The following RARRES1 variants were observed in gnomAD, a reference collection of about 807,000 sequenced individuals.
RARRES1 encodes the protein retinoic acid receptor responder 1.
A neutral mutation model predicts 30.6 loss-of-function variants in RARRES1; 34 were observed. The ratio of observed to expected loss-of-function variants is 1.11; its 90% confidence interval spans 0.84 to 1.48. The LOEUF is 1.48. RARRES1 is among the 40% of genes most tolerant of loss of function. The pLI, the probability that RARRES1 is intolerant of heterozygous loss-of-function variation, is 0.00. For missense variants in RARRES1, 373 were observed against 386.5 expected (o/e 0.97, Z 0.29); for synonymous variants, 153 against 155.5 (o/e 0.98, Z 0.12).
intron 4 of RARRES1, 39 bp downstream of exon 4, chr3:158,704,752 A>G (rs973191502): frequency 1.9e-6 from 3 of 1,600,920 alleles, no homozygotes; most frequent in African/African-American, 2.7e-5. Flanking sequence ...CTTTGATTGT[A>G]ACTCTTGTGG....
At chr3:158,712,197 T>A (rs1727157916) in intron 2 of RARRES1, among the ~76,000 whole-genome samples, 1 of 152,186 alleles carries the variant, frequency 6.6e-6, no homozygotes, top group African/African-American at 2.4e-5. Flanking sequence ...GGTGATAATC[T>A]TCTTTTTACT....
At chr3:158,728,516 C>CTTTTTTT (rs755791546) in intron 1 of RARRES1, among the ~76,000 whole-genome samples, 94 of 133,844 alleles carry the variant, frequency 7.0e-4, no homozygotes, top group African/African-American at 1.4e-3. Flanking sequence ...CTTTTTCTTT[C>CTTTTTTT]TTTTTTTTTT....
intron 1 of RARRES1, among the ~76,000 whole-genome samples, chr3:158,727,808 A>G (rs963407733): frequency 6.6e-6 from 1 of 152,204 alleles, no homozygotes; most frequent in Non-Finnish European, 1.5e-5. Flanking sequence ...GTGAGGGAAC[A>G]CAAATCGTGG....
intron 1 of RARRES1, among the ~76,000 whole-genome samples, chr3:158,717,173 G>A (rs1487373782): frequency 2.0e-5 from 3 of 152,116 alleles, no homozygotes; most frequent in Non-Finnish European, 2.9e-5. Context: ...GGCTGTCCTT[G>A]ATTTAAAATG....
Position 158,732,136 on chromosome 3 carries a change from T to C in RARRES1, c.276+4A>G. The C allele has an allele frequency of 7.3e-7, 1 of 1,361,412 alleles. No individual in the cohort carries two copies. Among genetic ancestry groups the C allele is most frequent in the Non-Finnish European group, 9.4e-7 (1 of 1,065,520 alleles). 84.3% of individuals were successfully genotyped at this position (1,361,412 alleles called of 1,614,324 possible). A position where few individuals can be genotyped will look rare whatever the true frequency, so the allele number is the denominator to read the frequency against. ...CGTGCCCCGGCGCGTCGCTCCGCAC[T>C]CACCCACGCGCGGCCCTCCTGCACC... is the stretch of plus-strand genomic sequence containing the variant. On this transcript the variant is annotated splice_donor_region_variant and intron_variant, in intron 1 of 5. Coordinates refer to ENST00000237696, the MANE Select transcript of RARRES1 (RefSeq NM_206963.2).
chr3:158,721,517 G>A (rs564320587), intron 1 of RARRES1, among the ~76,000 whole-genome samples: 1 of 152,310 alleles, frequency 6.6e-6, no homozygotes, highest in East Asian at 1.9e-4. Flanking sequence ...AGGGTTGCAG[G>A]TAGGAAGTGA....
At chr3:158,728,774 T>C (rs1037837076) in intron 1 of RARRES1, among the ~76,000 whole-genome samples, 2 of 152,098 alleles carry the variant, frequency 1.3e-5, no homozygotes, top group African/African-American at 4.8e-5. Context: ...TCTGCTTGCC[T>C]CAACCTCCCA....
chr3:158,715,151 G>A (rs1456122142), intron 1 of RARRES1, among the ~76,000 whole-genome samples: 1 of 152,148 alleles, frequency 6.6e-6, no homozygotes, highest in Non-Finnish European at 1.5e-5. Context: ...TTTACACAAC[G>A]CACACACACA....
chr3:158,722,055 G>A (rs1439445010), intron 1 of RARRES1, among the ~76,000 whole-genome samples: 9 of 124,694 alleles, frequency 7.2e-5, no homozygotes, highest in Non-Finnish European at 1.1e-4. Flanking sequence ...TGGCATAATT[G>A]CACTCCAGCC....
chr3:158,701,911 G>A (rs888057702), intron 4 of RARRES1, among the ~76,000 whole-genome samples: 7 of 152,082 alleles, frequency 4.6e-5, no homozygotes, highest in Admixed American at 4.6e-4. Flanking sequence ...GAAATGATTT[G>A]CCTTGGATGA....
At chr3:158,701,210 G>A (rs959991364) in intron 4 of RARRES1, among the ~76,000 whole-genome samples, 9 of 152,038 alleles carry the variant, frequency 5.9e-5, no homozygotes, top group Non-Finnish European at 1.2e-4. Context: ...CTAAAGGTAC[G>A]GGCTTATCCA....
At chr3:158,708,720 A>G (rs1474565029) in intron 3 of RARRES1, among the ~76,000 whole-genome samples, 1 of 151,778 alleles carries the variant, frequency 6.6e-6, no homozygotes, top group Non-Finnish European at 1.5e-5. Context: ...GCTGGAGTGC[A>G]GTGGCGCAAT....
chr3:158,720,295 A>C (rs992373662), intron 1 of RARRES1, among the ~76,000 whole-genome samples: 5 of 149,922 alleles, frequency 3.3e-5, no homozygotes, highest in South Asian at 2.1e-4. Flanking sequence ...AGAGAGAGAG[A>C]GAGCGCTGGG....
chr3:158,701,376 A>C (rs577547455), intron 4 of RARRES1, among the ~76,000 whole-genome samples: 55 of 149,320 alleles, frequency 3.7e-4, no homozygotes, highest in African/African-American at 1.3e-3. Context: ...TTTTTTGCAC[A>C]CTCTTCCCTC....
chr3:158,704,121 C>G (rs1373287632), intron 4 of RARRES1, among the ~76,000 whole-genome samples: 1 of 151,648 alleles, frequency 6.6e-6, no homozygotes, highest in African/African-American at 2.4e-5. Context: ...CAAATACTGT[C>G]AATCTGCCAG....
chr3:158,714,480 T>A (rs1727253457), intron 1 of RARRES1, among the ~76,000 whole-genome samples: 1 of 152,134 alleles, frequency 6.6e-6, no homozygotes, highest in South Asian at 2.1e-4. Flanking sequence ...AGCACAGGCG[T>A]GAGGTGGAAC....
chr3:158,713,682 C>G, intron 2 of RARRES1, 115 bp downstream of exon 2: 1 of 1,008,652 alleles, frequency 9.9e-7, no homozygotes, highest in Non-Finnish European at 1.5e-6. Flanking sequence ...GGAAACAGAT[C>G]AGGAAAAAAC....
At chr3:158,703,879 G>A (rs1465176949) in intron 4 of RARRES1, among the ~76,000 whole-genome samples, 3 of 152,040 alleles carry the variant, frequency 2.0e-5, no homozygotes, top group Admixed American at 6.6e-5. Context: ...AACTACAGCC[G>A]AGACCTCTCC....
intron 4 of RARRES1, 168 bp downstream of exon 4, chr3:158,704,623 C>G (rs973906234): frequency 6.3e-6 from 7 of 1,110,400 alleles, no homozygotes; most frequent in African/African-American, 4.8e-5. Context: ...CGACTGTATC[C>G]CCAGCCCCTG....
Sources: gnomAD v4.1 joint callset for allele counts (sites outside exome capture counted in the v4.1 genomes callset) on GRCh38, gnomAD v4.1.1 for gene constraint, MANE v1.5 for transcripts, NCBI Gene and HGNC (gene_info 2026-07-23, HGNC 2026-07-21) for gene names.